Variants in RSU1 observed in about 807,000 individuals in gnomAD.
The protein encoded by RSU1 is rsu-1.
In RSU1, 26 loss-of-function variants were observed where a neutral mutation model predicts 31.1. That is an observed-to-expected ratio of 0.84 (90% CI 0.61 to 1.16). The LOEUF is 1.16. Ranked by LOEUF, RSU1 falls within the 50% of genes most tolerant of loss-of-function variation. The pLI, the probability that RSU1 is intolerant of heterozygous loss-of-function variation, is 0.00. For synonymous variants in RSU1, 164 were observed against 136.3 expected, an observed-to-expected ratio of 1.20 and a Z score of -1.41; for missense variants, 320 against 339.1, an observed-to-expected ratio of 0.94 and a Z score of 0.44.
chr10:16,728,288 G>C (rs1237179693), intron 7 of RSU1, among the ~76,000 whole-genome samples: 5 of 152,098 alleles, frequency 3.3e-5, no homozygotes, highest in African/African-American at 7.2e-5. Flanking sequence ...GGTGTCAAAA[G>C]CTATTAATCA....
At position 16,601,452 on chromosome 10, in the gene RSU1, A is replaced by G. The variant is rs78708963; in HGVS notation, c.732-7956T>C. ...CAGCTCCTCAAAGGGCCCATAACTCATTAATTAGCTGTTTTATGGTACCTC... is the reference window on the plus strand; with the variant it reads ...CAGCTCCTCAAAGGGCCCATAACTCGTTAATTAGCTGTTTTATGGTACCTC... On this transcript the variant is annotated intron_variant, in intron 8 of 8. Transcript: ENST00000345264. 9.0e-3 allele frequency among the ~76,000 whole-genome samples: 1,366 copies of G among 152,310 alleles called. 24 individuals carry two copies. Among genetic ancestry groups the G allele is most frequent in the Non-Finnish European group, 8.2e-3 (558 of 68,022 alleles).
In RSU1 at chr10:16,754,870, C is replaced by T. The variant is rs1475809964; in HGVS notation, c.400+1G>A. On this transcript the variant is annotated splice_donor_variant, in intron 5 of 8. Transcript: ENST00000345264. LOFTEE classifies it high-confidence loss of function. The stretch of plus-strand genomic sequence containing the variant: ...GATTTATAGAATTGAAAGTTTCTTA[C>T]TCAGGTAGAAGAAGTTTCCAGGAAG... 4.1e-5 allele frequency: 64 copies of T among 1,573,506 alleles called. No individual in the cohort carries two copies. Among genetic ancestry groups the T allele is most frequent in the Non-Finnish European group, 5.5e-5 (63 of 1,144,946 alleles).
At chr10:16,785,730 C>G (rs910141133) in intron 2 of RSU1, among the ~76,000 whole-genome samples, 1 of 130,370 alleles carries the variant, frequency 7.7e-6, no homozygotes, top group African/African-American at 3.1e-5. Context: ...AAACACTGTG[C>G]TCTTGTCATG....
At chr10:16,799,253 G>A (rs1238669061) in intron 2 of RSU1, among the ~76,000 whole-genome samples, 1 of 152,168 alleles carries the variant, frequency 6.6e-6, no homozygotes, top group Non-Finnish European at 1.5e-5. Flanking sequence ...AGAGATTCTG[G>A]ACGTTGTCAC....
intron 8 of RSU1, among the ~76,000 whole-genome samples, chr10:16,683,425 G>A (rs536431119): frequency 4.6e-5 from 7 of 152,062 alleles, no homozygotes; most frequent in Non-Finnish European, 1.0e-4. Context: ...AAATAGCCCA[G>A]GAAATACTGT....
intron 8 of RSU1, among the ~76,000 whole-genome samples, chr10:16,646,147 A>C (rs1588692506): frequency 6.9e-6 from 1 of 144,134 alleles, no homozygotes; most frequent in African/African-American, 2.9e-5. Context: ...AAGCAACAGC[A>C]AGAAAGCAGT....
At chr10:16,703,413 T>C (rs1835835746) in intron 7 of RSU1, among the ~76,000 whole-genome samples, 1 of 152,234 alleles carries the variant, frequency 6.6e-6, no homozygotes, top group Non-Finnish European at 1.5e-5. Flanking sequence ...ATGTTCATAC[T>C]GTTTGACCTG....
chr10:16,597,516 C>T (rs1035142233), intron 8 of RSU1, among the ~76,000 whole-genome samples: 1 of 152,256 alleles, frequency 6.6e-6, no homozygotes, highest in African/African-American at 2.4e-5. Context: ...CCTCTCCGTG[C>T]CTCAGTTTCT....
At chr10:16,811,501 G>A (rs958966313) in intron 2 of RSU1, among the ~76,000 whole-genome samples, 8 of 152,096 alleles carry the variant, frequency 5.3e-5, no homozygotes, top group Admixed American at 2.6e-4. Context: ...CAAGCAACTT[G>A]CCCAAGGATA....
At position 16,590,891 on chromosome 10, in the gene RSU1, C is replaced by T. The variant is rs2131444791; in HGVS notation, c.*2503G>A. 6.6e-6 allele frequency: 1 copy of T among 152,192 alleles called. No homozygotes were observed. The highest frequency in any genetic ancestry group is 1.9e-4 in the East Asian group (1 of 5,180). The allele number at this position is 152,192 out of a possible 1,614,324, so 9.4% of individuals were successfully genotyped here. On this transcript the variant is annotated 3_prime_UTR_variant, in exon 9 of 9. Transcript: ENST00000345264. ...CTGTTTAATCAGATGTTATGATTCT[C>T]TCCCTTTGCCCTTATTGTTGAACAA...
chr10:16,789,600 A>C (rs1837870208), intron 2 of RSU1, among the ~76,000 whole-genome samples: 1 of 152,222 alleles, frequency 6.6e-6, no homozygotes, highest in Non-Finnish European at 1.5e-5. Context: ...AGGTCTACCG[A>C]AATAGAATGG....
intron 2 of RSU1, among the ~76,000 whole-genome samples, chr10:16,790,158 T>C (rs1300253756): frequency 6.6e-6 from 1 of 152,114 alleles, no homozygotes; most frequent in East Asian, 1.9e-4. Flanking sequence ...ACTAGTTGGT[T>C]CAATAATTTC....
In RSU1 at chr10:16,658,838, A is replaced by C. The variant is rs1057311401; in HGVS notation, c.731+36185T>G. Among the ~76,000 whole-genome samples the C allele has an allele frequency of 2.6e-5, 4 of 152,202 alleles. No individual in the cohort carries two copies. In the South Asian group the frequency reaches 8.3e-4, roughly 32 times the overall value. ...AAACCCTAGAGAACTTAGACTATAC[A>C]TGTCTGCCTTGGTCTTTGCAGGGAA... On this transcript the variant is annotated intron_variant, in intron 8 of 8. Transcript: ENST00000345264.
chr10:16,762,529 C>G (rs1837230693), intron 4 of RSU1, among the ~76,000 whole-genome samples: 1 of 150,228 alleles, frequency 6.7e-6, no homozygotes, highest in African/African-American at 2.4e-5. Context: ...AAAAAAAAAC[C>G]ATCTCATCTC....
At chr10:16,697,088 G>C (rs1001341207) in intron 7 of RSU1, among the ~76,000 whole-genome samples, 2 of 151,912 alleles carry the variant, frequency 1.3e-5, no homozygotes, top group African/African-American at 4.8e-5. Context: ...CTGATGTGTC[G>C]TATTTTATGT....
intron 4 of RSU1, among the ~76,000 whole-genome samples, chr10:16,758,721 G>C (rs370349426): frequency 2.0e-5 from 3 of 152,192 alleles, no homozygotes; most frequent in African/African-American, 7.2e-5. Context: ...GCTGTTGCTA[G>C]AATTATTTTT....
chr10:16,683,980 G>C (rs1322218126), intron 8 of RSU1, among the ~76,000 whole-genome samples: 1 of 152,210 alleles, frequency 6.6e-6, no homozygotes, highest in African/African-American at 2.4e-5. Flanking sequence ...CTCAGGTTAA[G>C]ATAAAAGATT....
At chr10:16,619,619 C>A (rs557609347) in intron 8 of RSU1, among the ~76,000 whole-genome samples, 3 of 152,316 alleles carry the variant, frequency 2.0e-5, no homozygotes, top group African/African-American at 7.2e-5. Flanking sequence ...ACAGAGCCCT[C>A]AGCTCAATGG....
chr10:16,620,276 G>A (rs1217744295), intron 8 of RSU1, among the ~76,000 whole-genome samples: 1 of 152,116 alleles, frequency 6.6e-6, no homozygotes, highest in Admixed American at 6.5e-5. Context: ...AAAAATGTAG[G>A]CTGCTGTTGA....
Sources: allele counts gnomAD v4.1 joint callset (sites outside exome capture counted in the v4.1 genomes callset), GRCh38; gene constraint gnomAD v4.1.1; transcripts MANE v1.5; gene names NCBI Gene and HGNC (gene_info 2026-07-23, HGNC 2026-07-21).